EPS15L1: variants seen among roughly 807,000 people sequenced by gnomAD.
EPS15L1 encodes the protein epidermal growth factor receptor substrate 15-like 1.
In EPS15L1, 43 loss-of-function variants were observed where a neutral mutation model predicts 117.1. The observed-to-expected ratio is 0.37, with a 90% CI of 0.29 to 0.47. EPS15L1 has a LOEUF of 0.47. EPS15L1 is among the 20% of genes least tolerant of loss of function. EPS15L1 has a pLI of 0.99. For synonymous variants in EPS15L1, 459 were observed against 470.5 expected (o/e 0.98, Z 0.32); for missense variants, 981 against 1,164.0 (o/e 0.84, Z 2.29).
intron 1 of EPS15L1, among the ~76,000 whole-genome samples, chr19:16,456,540 T>C (rs36720): frequency 0.37 from 56,464 of 151,332 alleles, 11,265 homozygotes; most frequent in African/African-American, 0.52. Flanking sequence ...ACCTGTAATC[T>C]CAGCTACTTG....
intron 7 of EPS15L1, among the ~76,000 whole-genome samples, chr19:16,430,952 T>C (rs2092921608): frequency 6.6e-6 from 1 of 152,172 alleles, no homozygotes; most frequent in Non-Finnish European, 1.5e-5. Flanking sequence ...GATGTATGCA[T>C]GGCCGGGCAC....
chr19:16,388,556 G>A (rs988629747), intron 19 of EPS15L1, among the ~76,000 whole-genome samples: 1 of 152,088 alleles, frequency 6.6e-6, no homozygotes, highest in Admixed American at 6.5e-5. Flanking sequence ...CACCGGGCAC[G>A]GTGGCTCACG....
At chr19:16,372,829 G>A (rs1324015981) in intron 22 of EPS15L1, among the ~76,000 whole-genome samples, 3 of 152,338 alleles carry the variant, frequency 2.0e-5, no homozygotes, top group South Asian at 2.1e-4. Flanking sequence ...TGACCCACCC[G>A]GGGCCTCCCT....
intron 10 of EPS15L1, 69 bp from the exon 11 acceptor site, chr19:16,418,173 TC>T: frequency 6.6e-7 from 1 of 1,512,566 alleles, no homozygotes; most frequent in Non-Finnish European, 8.9e-7. Flanking sequence ...AAGTCACCGA[TC>T]CCTTGCTTTT....
At chr19:16,407,029 G>A (rs535015865) in intron 13 of EPS15L1, among the ~76,000 whole-genome samples, 3 of 152,350 alleles carry the variant, frequency 2.0e-5, no homozygotes, top group Admixed American at 1.3e-4. Flanking sequence ...GTCCTCACCA[G>A]ACGCTGAATC....
intron 1 of EPS15L1, among the ~76,000 whole-genome samples, chr19:16,447,303 T>G (rs1036287135): frequency 5.3e-5 from 8 of 152,106 alleles, no homozygotes; most frequent in Admixed American, 3.9e-4. Context: ...AGAGCTAAGG[T>G]AAATGTTACC....
At position 16,370,070 on chromosome 19, in the gene EPS15L1, G is replaced by A. The variant is rs1427676797; in HGVS notation, c.2380+7052C>T. 1.3e-5 allele frequency among the ~76,000 whole-genome samples: 2 copies of A among 152,180 alleles called. No homozygotes were observed. Among genetic ancestry groups the A allele is most frequent in the Admixed American group, 6.5e-5 (1 of 15,286 alleles). ...AAGATCCCTGAGAACGCCGTGCAGC[G>A]AGTCTGAAAGCTGGTTAGGGGTCGT... On this transcript the variant is annotated intron_variant, in intron 22 of 23. Transcript: ENST00000455140. This position sits in a 1 kb window ranked among gnomAD's most constrained non-coding sequence, Gnocchi z 5.2.
chr19:16,357,750 G>A (rs1171915225), intron 23 of EPS15L1: 18 of 152,280 alleles, frequency 1.2e-4, no homozygotes, highest in Admixed American at 1.2e-3. Flanking sequence ...GAAGGGCTGA[G>A]TCTTGACTTC....
intron 18 of EPS15L1, 24 bp downstream of exon 18, chr19:16,393,927 G>A: frequency 6.2e-6 from 10 of 1,612,244 alleles, no homozygotes; most frequent in Non-Finnish European, 8.5e-6. Context: ...TCTAAAGACC[G>A]GTCCGGGAAA....
intron 1 of EPS15L1, among the ~76,000 whole-genome samples, chr19:16,466,052 A>C (rs1366447324): frequency 1.3e-5 from 2 of 148,940 alleles, no homozygotes; most frequent in East Asian, 4.0e-4. Context: ...ACAGTGGTGC[A>C]ATCTCGGCTC....
intron 1 of EPS15L1, among the ~76,000 whole-genome samples, chr19:16,451,138 A>T (rs1445239295): frequency 6.6e-6 from 1 of 151,660 alleles, no homozygotes; most frequent in Non-Finnish European, 1.5e-5. Flanking sequence ...TTTAGTAGAG[A>T]CCGGGTCTCA....
intron 23 of EPS15L1, among the ~76,000 whole-genome samples, chr19:16,358,527 G>A (rs1005612104): frequency 2.0e-5 from 3 of 152,188 alleles, no homozygotes; most frequent in Non-Finnish European, 2.9e-5. Context: ...CATTACCATG[G>A]AACCGAGACA....
Position 16,434,498 on chromosome 19 carries a change from G to C in EPS15L1, c.373-8C>G. 1 of 1,612,636 alleles carries C rather than the reference G, an allele frequency of 6.2e-7. No homozygotes were observed. On this transcript the variant is annotated splice_polypyrimidine_tract_variant and splice_region_variant and intron_variant, in intron 6 of 23. Transcript: ENST00000455140. ...TTTGGCCTTTTCTTCCACCTAGTTG[G>C]AAAGAAATAGCCCGAGTAAGTAGGA... is the stretch of plus-strand genomic sequence containing the variant.
intron 21 of EPS15L1, among the ~76,000 whole-genome samples, chr19:16,384,471 G>A (rs2092398065): frequency 6.6e-6 from 1 of 152,162 alleles, no homozygotes; most frequent in Non-Finnish European, 1.5e-5. Context: ...GATGTTCCCT[G>A]TTGAATTCTC....
At chr19:16,408,865 T>C (rs2092681628) in intron 13 of EPS15L1, among the ~76,000 whole-genome samples, 1 of 152,132 alleles carries the variant, frequency 6.6e-6, no homozygotes, top group South Asian at 2.1e-4. Context: ...TGCACAGCTA[T>C]AGTCAACTCA....
chr19:16,395,323 A>G lies in EPS15L1; in HGVS notation c.1915+21T>C, dbSNP rs28365816. The G allele has an allele frequency of 1.6e-5, 25 of 1,607,708 alleles. No individual in the cohort carries two copies. In the East Asian group the frequency reaches 5.6e-4, roughly 36 times the overall value. ...AAAACACACAGTCTTTCAATGAGAAAGTGGGTAGCAAGTGAGATACCTTTG... is the reference window on the plus strand; with the variant it reads ...AAAACACACAGTCTTTCAATGAGAAGGTGGGTAGCAAGTGAGATACCTTTG... On this transcript the variant is annotated intron_variant, in intron 17 of 23. Coordinates refer to ENST00000455140, the MANE Select transcript of EPS15L1 (RefSeq NM_001258374.3).
intron 7 of EPS15L1, 116 bp from the exon 8 acceptor site, chr19:16,428,877 G>A: frequency 1.3e-6 from 1 of 752,534 alleles, no homozygotes; most frequent in Non-Finnish European, 2.3e-6. Flanking sequence ...GGAGACGGCA[G>A]TCAATATACA....
chr19:16,355,578 G>C lies in EPS15L1; in HGVS notation c.*127C>G. ...TCTTGCAGCCGAGTCTGCTCACCCT[G>C]AACAAGCCCCCGAGTCCCGGTCCTT... On this transcript the variant is annotated 3_prime_UTR_variant, in exon 24 of 24. Transcript: ENST00000455140. 7.9e-7 allele frequency: 1 copy of C among 1,267,512 alleles called. No homozygotes were observed. The highest frequency in any genetic ancestry group is 1.1e-6 in the Non-Finnish European group (1 of 935,528). The allele number at this position is 1,267,512 out of a possible 1,614,324, so 78.5% of individuals were successfully genotyped here.
At chr19:16,459,040 G>C (rs1216933532) in intron 1 of EPS15L1, among the ~76,000 whole-genome samples, 2 of 152,208 alleles carry the variant, frequency 1.3e-5, no homozygotes, top group Admixed American at 6.5e-5. Flanking sequence ...GCGTGGCCCG[G>C]TACAGAAAAC....
Sources: allele counts gnomAD v4.1 joint callset (sites outside exome capture counted in the v4.1 genomes callset), GRCh38; gene constraint gnomAD v4.1.1; non-coding constraint Gnocchi (gnomAD v3.1); transcripts MANE v1.5; gene names NCBI Gene and HGNC (gene_info 2026-07-23, HGNC 2026-07-21).